Variants in CEP41 observed in about 807,000 individuals in gnomAD.
CEP41 encodes centrosomal protein 41, also known as centrosomal protein of 41 kDa.
Under a neutral mutation model 44.3 loss-of-function variants are expected in CEP41, and 32 were observed. That is an observed-to-expected ratio of 0.72 (90% CI 0.54 to 0.97). The LOEUF is 0.97. Among genes scored for constraint, CEP41 ranks in the 50% least tolerant of loss-of-function variants. The probability of loss-of-function intolerance (pLI) is 0.00; values close to 1 mark genes in which losing one functional copy is unlikely to be tolerated. For missense variants in CEP41, 432 were observed against 455.2 expected, an observed-to-expected ratio of 0.95 and a Z score of 0.46; for synonymous variants, 151 against 168.5, an observed-to-expected ratio of 0.90 and a Z score of 0.80.
intron 2 of CEP41, among the ~76,000 whole-genome samples, chr7:130,427,599 A>G (rs1797703231): frequency 6.6e-6 from 1 of 152,220 alleles, no homozygotes; most frequent in South Asian, 2.1e-4. Context: ...CTAATCCGTT[A>G]CTGCCAGTTT....
intron 2 of CEP41, chr7:130,419,174 T>A: frequency 2.0e-6 from 2 of 985,458 alleles, no homozygotes; most frequent in Non-Finnish European, 2.4e-6. Context: ...ACAAGTTTTT[T>A]GCAATTATAC....
chr7:130,431,841 T>TA (rs1797831111), intron 1 of CEP41, among the ~76,000 whole-genome samples: 1 of 152,106 alleles, frequency 6.6e-6, no homozygotes, highest in East Asian at 1.9e-4. Context: ...CATACATGTT[T>TA]AAAAAAACTT....
At chr7:130,425,235 A>AG (rs377232066) in intron 2 of CEP41, among the ~76,000 whole-genome samples, 33 of 97,462 alleles carry the variant, frequency 3.4e-4, no homozygotes, top group African/African-American at 1.6e-3. Context: ...CCAACATGAC[A>AG]AAACCCATCT....
rs369107061 is a variant in CEP41, at chr7:130,406,012, G to A, written c.278-1304C>T. Among the ~76,000 whole-genome samples, 12 of 152,088 alleles carry A rather than the reference G, an allele frequency of 7.9e-5. No homozygotes were observed. In the South Asian group the frequency reaches 2.3e-3, roughly 29 times the overall value. ...TTTACAAAATATGTAAAACAACGAC[G>A]TTCTCAGCAAAATTTTGTTTTGGAA... On this transcript the variant is annotated intron_variant, in intron 5 of 10. Coordinates refer to ENST00000223208, the MANE Select transcript of CEP41 (RefSeq NM_018718.3).
At chr7:130,431,927 G>A (rs1356366268) in intron 1 of CEP41, among the ~76,000 whole-genome samples, 1 of 152,154 alleles carries the variant, frequency 6.6e-6, no homozygotes, top group Non-Finnish European at 1.5e-5. Context: ...ATTTGTCAAT[G>A]TCTAGAGGCA....
intron 3 of CEP41, among the ~76,000 whole-genome samples, chr7:130,416,547 C>A (rs139382796): frequency 6.6e-6 from 1 of 152,170 alleles, no homozygotes; most frequent in Non-Finnish European, 1.5e-5. Flanking sequence ...GATATTATTA[C>A]CCCCTATCTC....
chr7:130,426,680 T>C (rs907596997), intron 2 of CEP41: 3 of 456,012 alleles, frequency 6.6e-6, no homozygotes, highest in Admixed American at 4.7e-5. Flanking sequence ...AATTAGGGGT[T>C]AGATGGGTAG....
Position 130,401,957 on chromosome 7 carries a change from A to G in CEP41, c.575-9T>C. 3 of 1,600,432 alleles carry G rather than the reference A, an allele frequency of 1.9e-6. No homozygotes were observed. The highest frequency in any genetic ancestry group is 1.1e-5 in the South Asian group (1 of 90,806). On this transcript the variant is annotated splice_polypyrimidine_tract_variant and intron_variant, in intron 7 of 10. Transcript: ENST00000223208. ...AATTGGGTAACTGTAAGCTGCAAAG[A>G]GAAGAAAAAGTTTAGGAAGTCTGTT...
chr7:130,404,613 A>G lies in CEP41; in HGVS notation c.373T>C (p.Phe125Leu), dbSNP rs1467651379. ...TCCCCTGCTCCTGCGTTGTTTATGA[A>G]CTGCTCAGGGCTCGGCGACTGCTCA... ...PGEQSPSPEQ[F>L]INNAGAGDSS... The change falls in exon 6 of 11, where the codon TTC becomes CTC. Residue 125 changes from phenylalanine (F) to leucine (L), a missense_variant. By Grantham distance (22) the Phe-to-Leu change is conservative. Transcript: ENST00000223208. 3 of 1,613,804 alleles carry G rather than the reference A, an allele frequency of 1.9e-6. No homozygotes were observed. The highest frequency in any genetic ancestry group is 2.5e-6 in the Non-Finnish European group (3 of 1,179,816).
upstream of CEP41, among the ~76,000 whole-genome samples, chr7:130,441,539 T>TA (rs1389358416): frequency 4.1e-4 from 62 of 152,320 alleles, no homozygotes; most frequent in African/African-American, 1.4e-3. Flanking sequence ...CATGGGTAAA[T>TA]ACAGTAATTA....
chr7:130,440,805 A>ACCCCC, intron 1 of CEP41, 129 bp downstream of exon 1: 2 of 352,290 alleles, frequency 5.7e-6, no homozygotes, highest in Admixed American at 2.6e-5. Context: ...CTGCATCCCG[A>ACCCCC]CCCCTCCTCA....
intron 1 of CEP41, 128 bp downstream of exon 1, chr7:130,440,806 C>T (rs1554427426): frequency 1.1e-5 from 9 of 836,776 alleles, no homozygotes; most frequent in Non-Finnish European, 1.8e-5. Flanking sequence ...TGCATCCCGA[C>T]CCCTCCTCAC....
upstream of CEP41, chr7:130,441,151 G>A (rs782051898): frequency 1.4e-5 from 10 of 724,008 alleles, no homozygotes; most frequent in Non-Finnish European, 2.2e-5. Flanking sequence ...AGGGCAAGAC[G>A]CCGCTCAATG....
intron 8 of CEP41, chr7:130,401,120 C>T: frequency 2.7e-6 from 1 of 363,950 alleles, no homozygotes; most frequent in Non-Finnish European, 5.2e-6. Context: ...ATATTACAAT[C>T]CCCATTTTAC....
At chr7:130,420,060 G>A in intron 2 of CEP41, 1 of 985,322 alleles carries the variant, frequency 1.0e-6, no homozygotes, top group Non-Finnish European at 1.2e-6. Context: ...ACTGGATCAT[G>A]CCTGCAATCC....
chr7:130,435,519 A>G (rs1797936789), intron 1 of CEP41, among the ~76,000 whole-genome samples: 1 of 152,212 alleles, frequency 6.6e-6, no homozygotes, highest in African/African-American at 2.4e-5. Context: ...AAGGAAATGC[A>G]ACTTAAAACC....
chr7:130,426,793 C>T (rs1554423657), intron 2 of CEP41: 1 of 371,152 alleles, frequency 2.7e-6, no homozygotes, highest in South Asian at 2.0e-5. Context: ...GGCACCAGAT[C>T]TCCAATATTG....
intron 6 of CEP41, among the ~76,000 whole-genome samples, chr7:130,403,069 G>C (rs920429737): frequency 6.6e-6 from 1 of 152,194 alleles, no homozygotes; most frequent in Non-Finnish European, 1.5e-5. Context: ...ATGGCTGAGG[G>C]GGTAGGGACT....
intron 8 of CEP41, chr7:130,401,323 G>A (rs1554416864): frequency 1.2e-5 from 2 of 171,492 alleles, no homozygotes; most frequent in East Asian, 1.6e-4. Flanking sequence ...GAAATACATC[G>A]GGATATGAAC....
Sources: allele counts gnomAD v4.1 joint callset (sites outside exome capture counted in the v4.1 genomes callset), GRCh38; gene constraint gnomAD v4.1.1; transcripts MANE v1.5; gene names NCBI Gene and HGNC (gene_info 2026-07-23, HGNC 2026-07-21).